The following SLC1A1 variants were observed in gnomAD, a reference collection of about 807,000 sequenced individuals.
SLC1A1 encodes excitatory amino acid transporter 3.
In SLC1A1, 43 loss-of-function variants were observed where a neutral mutation model predicts 53.3. The observed-to-expected ratio is 0.81, with a 90% CI of 0.63 to 1.04. The LOEUF (loss-of-function observed/expected upper bound fraction) is 1.04. SLC1A1 is among the 50% of genes least tolerant of loss of function. The probability of loss-of-function intolerance (pLI) is 0.00; values close to 1 mark genes in which losing one functional copy is unlikely to be tolerated. For missense variants in SLC1A1, 748 were observed against 664.9 expected, an observed-to-expected ratio of 1.12 and a Z score of -1.37; for synonymous variants, 307 against 243.2, an observed-to-expected ratio of 1.26 and a Z score of -2.44.
intron 1 of SLC1A1, among the ~76,000 whole-genome samples, chr9:4,514,475 G>A (rs543727854): frequency 8.5e-5 from 13 of 152,276 alleles, no homozygotes; most frequent in South Asian, 2.1e-4. Flanking sequence ...GCTTGGGGAC[G>A]CACATGTCAC....
chr9:4,543,567 G>T (rs1817197798), intron 1 of SLC1A1, among the ~76,000 whole-genome samples: 1 of 152,162 alleles, frequency 6.6e-6, no homozygotes, highest in Non-Finnish European at 1.5e-5. Flanking sequence ...TCAGAGAATG[G>T]TAACATTTCT....
chr9:4,504,801 T>C (rs1820744011), intron 1 of SLC1A1, among the ~76,000 whole-genome samples: 1 of 152,212 alleles, frequency 6.6e-6, no homozygotes, highest in Non-Finnish European at 1.5e-5. Context: ...TAAGCTTTTA[T>C]ATTTAATATA....
Position 4,505,113 on chromosome 9 carries a change from C to G in SLC1A1, c.91+14343C>G, listed in dbSNP as rs1820759909. Among the ~76,000 whole-genome samples, 6 of 136,558 alleles carry G rather than the reference C, an allele frequency of 4.4e-5. No homozygotes were observed. In the Admixed American group the frequency reaches 4.9e-4, roughly 11 times the overall value. 89.6% of individuals were successfully genotyped at this position (136,558 alleles called of 152,430 possible). ...CCAGGCTGGAGTGCAGCGGCATGAT[C>G]TTGGCTCACTGCAACCTCCGCCTCC... On this transcript the variant is annotated intron_variant, in intron 1 of 11. Coordinates refer to ENST00000262352, the MANE Select transcript of SLC1A1 (RefSeq NM_004170.6).
At chr9:4,531,631 C>T (rs1816473772) in intron 1 of SLC1A1, among the ~76,000 whole-genome samples, 1 of 152,180 alleles carries the variant, frequency 6.6e-6, no homozygotes, top group Admixed American at 6.5e-5. Context: ...CCTCTAGGGG[C>T]AGGGCAGTGC....
At chr9:4,541,319 C>G (rs1193810955) in intron 1 of SLC1A1, among the ~76,000 whole-genome samples, 2 of 152,220 alleles carry the variant, frequency 1.3e-5, no homozygotes, top group African/African-American at 4.8e-5. Flanking sequence ...AAGTTAAGTA[C>G]TTGCTTCTAT....
intron 1 of SLC1A1, among the ~76,000 whole-genome samples, chr9:4,506,373 C>T (rs1820810018): frequency 6.6e-6 from 1 of 152,132 alleles, no homozygotes; most frequent in South Asian, 2.1e-4. Flanking sequence ...GTACAGATGA[C>T]TTTTGTTATT....
At chr9:4,542,606 T>C (rs60862486) in intron 1 of SLC1A1, among the ~76,000 whole-genome samples, 1,785 of 152,260 alleles carry the variant, frequency 0.012, 24 homozygotes, top group Middle Eastern at 0.037. Context: ...AGCCAAAAAT[T>C]TACTTGAAGC....
At chr9:4,510,126 G>A (rs1337702228) in intron 1 of SLC1A1, among the ~76,000 whole-genome samples, 3 of 152,158 alleles carry the variant, frequency 2.0e-5, no homozygotes, top group African/African-American at 4.8e-5. Flanking sequence ...GAGCCACTAC[G>A]CCCAGTCTAT....
intron 1 of SLC1A1, among the ~76,000 whole-genome samples, chr9:4,532,590 T>G (rs199885187): frequency 2.4e-4 from 36 of 152,244 alleles, no homozygotes; most frequent in Middle Eastern, 3.4e-3. Flanking sequence ...CATCTGATTG[T>G]TGTACCTGAA....
chr9:4,543,841 T>C (rs968615002), intron 1 of SLC1A1, among the ~76,000 whole-genome samples: 8 of 152,240 alleles, frequency 5.3e-5, no homozygotes, highest in Admixed American at 6.5e-5. Flanking sequence ...AAAGTACTTA[T>C]AATAAAAATA....
chr9:4,516,249 A>G (rs1407334442), intron 1 of SLC1A1, among the ~76,000 whole-genome samples: 1 of 152,202 alleles, frequency 6.6e-6, no homozygotes, highest in Non-Finnish European at 1.5e-5. Context: ...ACGGGCCTGA[A>G]CATTTGAACA....
intron 1 of SLC1A1, among the ~76,000 whole-genome samples, chr9:4,543,896 T>G (rs759622225): frequency 6.6e-6 from 1 of 151,956 alleles, no homozygotes; most frequent in Non-Finnish European, 1.5e-5. Context: ...ATATGTAAAA[T>G]AGCCAAGCAT....
At chr9:4,517,481 A>C (rs1815892675) in intron 1 of SLC1A1, among the ~76,000 whole-genome samples, 1 of 152,200 alleles carries the variant, frequency 6.6e-6, no homozygotes, top group Non-Finnish European at 1.5e-5. Context: ...AAACATTTGT[A>C]AGATTGACTC....
chr9:4,544,457 T>G, intron 1 of SLC1A1, 110 bp from the exon 2 acceptor site: 1 of 927,972 alleles, frequency 1.1e-6, no homozygotes, highest in Non-Finnish European at 1.8e-6. Context: ...TGATCTAAAC[T>G]ATTTTTCTTG....
chr9:4,566,118 TG>T lies in SLC1A1; in HGVS notation c.483+30del, dbSNP rs1819463970. The T allele has an allele frequency of 9.5e-6, 15 of 1,576,016 alleles. No homozygotes were observed. In the East Asian group the frequency reaches 3.4e-4, roughly 35 times the overall value. The stretch of plus-strand genomic sequence containing the variant: ...ATATTAATTACTTGTGCCCTTAACT[TG>T]CTACCCTCTTCCCATTATCAATTAA... On this transcript the variant is annotated intron_variant, in intron 5 of 11. Transcript: ENST00000262352.
intron 1 of SLC1A1, among the ~76,000 whole-genome samples, chr9:4,511,276 C>T (rs573568915): frequency 1.6e-4 from 24 of 152,208 alleles, no homozygotes; most frequent in African/African-American, 9.6e-5. Flanking sequence ...CATTAGATTC[C>T]GTGTCTGCTG....
At chr9:4,505,141 G>C (rs181960233) in intron 1 of SLC1A1, among the ~76,000 whole-genome samples, 1 of 144,784 alleles carries the variant, frequency 6.9e-6, no homozygotes, top group Admixed American at 7.3e-5. Context: ...CCGCCTCCCA[G>C]GTTCAAGCGA....
rs143443068 is a variant in SLC1A1 at position 4,549,109 on chromosome 9, G to A, written c.232+4402G>A. The stretch of plus-strand genomic sequence containing the variant: ...CCAAAATTAAACTATGATGATTGGA[G>A]CCTCCTATGACCAACACAGGGACAG... On this transcript the variant is annotated intron_variant, in intron 2 of 11. Coordinates refer to ENST00000262352, the MANE Select transcript of SLC1A1 (RefSeq NM_004170.6). The surrounding 1 kb of genome is among the most constrained non-coding windows in gnomAD (Gnocchi z 4.1). 2.5e-4 allele frequency among the ~76,000 whole-genome samples: 38 copies of A among 152,270 alleles called. No homozygotes were observed. Among genetic ancestry groups the A allele is most frequent in the African/African-American group, 8.2e-4 (34 of 41,558 alleles).
intron 1 of SLC1A1, among the ~76,000 whole-genome samples, chr9:4,514,291 T>C (rs1362813373): frequency 2.0e-5 from 3 of 152,170 alleles, no homozygotes; most frequent in Non-Finnish European, 4.4e-5. Flanking sequence ...GGAATTCCTG[T>C]TTTCTACTGA....
Sources: gnomAD v4.1 joint callset for allele counts (sites outside exome capture counted in the v4.1 genomes callset) on GRCh38, gnomAD v4.1.1 for gene constraint, Gnocchi (gnomAD v3.1) non-coding constraint, MANE v1.5 for transcripts, NCBI Gene and HGNC (gene_info 2026-07-23, HGNC 2026-07-21) for gene names.